The following DOCK1 variants were observed in gnomAD, a reference collection of about 807,000 sequenced individuals.
The protein encoded by DOCK1 is dedicator of cytokinesis 1.
In DOCK1, 138 loss-of-function variants were observed where a neutral mutation model predicts 262.7. That is an observed-to-expected ratio of 0.53 (90% CI 0.46 to 0.61). The LOEUF (loss-of-function observed/expected upper bound fraction) is 0.61, where lower values mean the gene tolerates loss of function less well. Among genes scored for constraint, DOCK1 ranks in the 20% least tolerant of loss-of-function variants. The probability of loss-of-function intolerance (pLI) is 0.00; values close to 1 mark genes in which losing one functional copy is unlikely to be tolerated. For missense variants in DOCK1, 1,908 were observed against 2,370.7 expected, an observed-to-expected ratio of 0.80 and a Z score of 4.05; for synonymous variants, 866 against 867.4, an observed-to-expected ratio of 1.00 and a Z score of 0.03.
intron 1 of DOCK1, among the ~76,000 whole-genome samples, chr10:126,960,568 C>T (rs2037115562): frequency 6.6e-6 from 1 of 150,950 alleles, no homozygotes; most frequent in African/African-American, 2.4e-5. Flanking sequence ...AGAGGTAGGG[C>T]TGTGGACCAA....
chr10:127,132,739 T>G (rs1318985291), intron 27 of DOCK1, among the ~76,000 whole-genome samples: 1 of 152,220 alleles, frequency 6.6e-6, no homozygotes, highest in Non-Finnish European at 1.5e-5. Context: ...TCTCCTGTGA[T>G]ACGCGCTGCT....
chr10:127,412,899 T>C (rs190455734), intron 43 of DOCK1, among the ~76,000 whole-genome samples: 28 of 152,342 alleles, frequency 1.8e-4, no homozygotes, highest in Non-Finnish European at 2.5e-4. Flanking sequence ...GTTTGAAGAT[T>C]ATGTTCACCC....
intron 1 of DOCK1, among the ~76,000 whole-genome samples, chr10:126,955,503 G>C (rs2036658252): frequency 6.6e-6 from 1 of 152,190 alleles, no homozygotes; most frequent in African/African-American, 2.4e-5. Context: ...GCTGGGAACT[G>C]ATGCAGCCTG....
intron 27 of DOCK1, among the ~76,000 whole-genome samples, chr10:127,216,512 C>G (rs563945891): frequency 6.6e-6 from 1 of 152,196 alleles, no homozygotes; most frequent in South Asian, 2.1e-4. Flanking sequence ...CAAGAGTGTT[C>G]TTGATGCGTG....
chr10:127,065,538 C>G (rs1044569338), intron 23 of DOCK1, among the ~76,000 whole-genome samples: 1 of 152,134 alleles, frequency 6.6e-6, no homozygotes, highest in Non-Finnish European at 1.5e-5. Context: ...GACCCTGCTG[C>G]CAGTGCTCCA....
chr10:127,075,730 G>A (rs1435654699), intron 23 of DOCK1, among the ~76,000 whole-genome samples: 1 of 152,056 alleles, frequency 6.6e-6, no homozygotes, highest in African/African-American at 2.4e-5. Context: ...TCATGAGAAC[G>A]GCAAGGGGGA....
In DOCK1 at chr10:127,380,070, T is replaced by G. The variant is rs956053773; in HGVS notation, c.3676-12T>G. 1 of 1,500,208 alleles carries G rather than the reference T, an allele frequency of 6.7e-7. No homozygotes were observed. The highest frequency in any genetic ancestry group is 9.1e-7 in the Non-Finnish European group (1 of 1,102,572). The allele number at this position is 1,500,208 out of a possible 1,614,324, so 92.9% of individuals were successfully genotyped here. A position where few individuals can be genotyped will look rare whatever the true frequency, so the allele number is the denominator to read the frequency against. On this transcript the variant is annotated splice_polypyrimidine_tract_variant and intron_variant, in intron 35 of 51. Transcript: ENST00000623213. ...AGATTTCTTAAAACAGTATTATGGT[T>G]TAACTTTTCAGAATTTCTACAAAGA...
intron 1 of DOCK1, among the ~76,000 whole-genome samples, chr10:126,921,714 G>A (rs921248921): frequency 6.6e-5 from 10 of 152,030 alleles, no homozygotes; most frequent in Non-Finnish European, 1.5e-4. Flanking sequence ...GTGCAGTGGC[G>A]CGATCTCAAC....
intron 23 of DOCK1, among the ~76,000 whole-genome samples, chr10:127,070,806 T>C (rs1035055946): frequency 6.6e-6 from 1 of 151,682 alleles, no homozygotes; most frequent in Non-Finnish European, 1.5e-5. Context: ...TCAAGATGTT[T>C]CATTATAATC....
At chr10:127,159,093 C>T (rs2053354234) in intron 27 of DOCK1, among the ~76,000 whole-genome samples, 1 of 152,138 alleles carries the variant, frequency 6.6e-6, no homozygotes, top group Non-Finnish European at 1.5e-5. Context: ...AGAACATAGA[C>T]TCTGCGACAG....
At chr10:127,321,842 C>A (rs527865627) in intron 29 of DOCK1, among the ~76,000 whole-genome samples, 1 of 152,258 alleles carries the variant, frequency 6.6e-6, no homozygotes, top group East Asian at 1.9e-4. Context: ...GTGGCTCACA[C>A]CTGTAATCCC....
chr10:127,026,795 T>G (rs2042895837), intron 16 of DOCK1, among the ~76,000 whole-genome samples: 1 of 152,194 alleles, frequency 6.6e-6, no homozygotes, highest in Non-Finnish European at 1.5e-5. Flanking sequence ...TCTTGAACCC[T>G]TTTTGTCTTC....
chr10:127,000,389 G>C, intron 10 of DOCK1, 82 bp downstream of exon 10: 1 of 1,542,924 alleles, frequency 6.5e-7, no homozygotes, highest in Admixed American at 2.0e-5. Flanking sequence ...ATGTTGATTG[G>C]ACAATGCACA....
intron 49 of DOCK1, among the ~76,000 whole-genome samples, chr10:127,440,512 G>A (rs1301579727): frequency 2.6e-5 from 4 of 152,156 alleles, no homozygotes; most frequent in East Asian, 1.9e-4. Context: ...GATTGGAGCC[G>A]CCCTCCCTGG....
chr10:127,392,014 C>T (rs1271378081), intron 38 of DOCK1, among the ~76,000 whole-genome samples: 1 of 151,960 alleles, frequency 6.6e-6, no homozygotes, highest in African/African-American at 2.4e-5. Flanking sequence ...CAGATGTACC[C>T]TCTCATCACC....
intron 27 of DOCK1, among the ~76,000 whole-genome samples, chr10:127,143,552 G>C (rs1397637368): frequency 1.3e-5 from 2 of 152,200 alleles, no homozygotes; most frequent in Non-Finnish European, 2.9e-5. Flanking sequence ...AGGTGCACCA[G>C]GATGTGGGCT....
Position 127,426,020 on chromosome 10 carries a change from G to A in DOCK1, c.4914+9G>A, listed in dbSNP as rs776972723. The A allele has an allele frequency of 6.2e-7, 1 of 1,613,760 alleles. No individual in the cohort carries two copies. The highest frequency in any genetic ancestry group is 1.7e-5 in the Admixed American group (1 of 60,026). On this transcript the variant is annotated intron_variant, in intron 47 of 51. Coordinates refer to ENST00000623213, the MANE Select transcript of DOCK1 (RefSeq NM_001290223.2). The stretch of plus-strand genomic sequence containing the variant: ...ACGGCGTCCGAATCATGGTAAGAGG[G>A]TAGTATGCGTAGTGTTGCAGAAGAG...
At chr10:127,093,253 T>TCTTTCTTTCTTTCTTC (rs1413349857) in intron 23 of DOCK1, among the ~76,000 whole-genome samples, 6 of 127,864 alleles carry the variant, frequency 4.7e-5, no homozygotes, top group African/African-American at 1.9e-4. Context: ...TTTTTTTTTT[T>TCTTTCTTTCTTTCTTC]TTTTTTTTTG....
rs558498197 is a variant in DOCK1, at chr10:127,037,795, C to A, written c.1989C>A (p.Val663=). 1.9e-6 allele frequency: 3 copies of A among 1,592,618 alleles called. No individual in the cohort carries two copies. Among genetic ancestry groups the A allele is most frequent in the Non-Finnish European group, 2.6e-6 (3 of 1,170,616 alleles). The change falls in exon 19 of 52, where the codon GTC becomes GTA. Residue 663 remains valine (V), a synonymous_variant. Transcript: ENST00000623213. ...AGAACTTGAGGCAGCTGATGAAAGT[C>A]GATGGTGGTGAAGTAGTGAAGGTAA... is the stretch of plus-strand genomic sequence containing the variant. The part of the protein sequence containing the change: ...LQQNLRQLMK[V]DGGEVVKFLQ...
Sources: gnomAD v4.1 joint callset for allele counts (sites outside exome capture counted in the v4.1 genomes callset) on GRCh38, gnomAD v4.1.1 for gene constraint, MANE v1.5 for transcripts, NCBI Gene and HGNC (gene_info 2026-07-23, HGNC 2026-07-21) for gene names.